Variants in SEPTIN3 observed in about 807,000 individuals in gnomAD.
The protein encoded by SEPTIN3 is septin 3.
SEPTIN3 carries 15 observed loss-of-function variants against 45.1 expected under a neutral mutation model. The observed-to-expected ratio is 0.33, with a 90% CI of 0.22 to 0.51. SEPTIN3 has a LOEUF of 0.51. SEPTIN3 is among the 20% of genes least tolerant of loss of function. The pLI, the probability that SEPTIN3 is intolerant of heterozygous loss-of-function variation, is 0.97. For missense variants in SEPTIN3, 289 were observed against 457.2 expected, an observed-to-expected ratio of 0.63 and a Z score of 3.35; for synonymous variants, 148 against 164.8, an observed-to-expected ratio of 0.90 and a Z score of 0.78.
intron 2 of SEPTIN3, among the ~76,000 whole-genome samples, chr22:41,979,723 C>T: frequency 6.6e-6 from 1 of 152,258 alleles, no homozygotes; most frequent in East Asian, 1.9e-4. Context: ...TTTGGCTGTG[C>T]CTGGGAGTGA....
chr22:41,981,685 G>A lies in SEPTIN3; in HGVS notation c.1545G>A (p.Leu515=), dbSNP rs1260745051. ...GGACGGACGCAGCCATGTCAGAGCT[G>A]GTGCCTGAGCCCAGGCCTAAGCCAG... is the stretch of plus-strand genomic sequence containing the variant. ...ETRTDAAMSE[L]VPEPRPKPAV... Residue 515 remains leucine, a synonymous_variant, in exon 3 of 12, where the codon CTG becomes CTA. Transcript: ENST00000644076. The A allele has an allele frequency of 1.9e-6, 3 of 1,613,750 alleles. No individual in the cohort carries two copies. Among genetic ancestry groups the A allele is most frequent in the African/African-American group, 1.3e-5 (1 of 74,934 alleles).
chr22:41,992,568 A>G, intron 8 of SEPTIN3, 96 bp from the exon 9 acceptor site: 1 of 718,314 alleles, frequency 1.4e-6, no homozygotes, highest in African/African-American at 1.8e-5. Flanking sequence ...GTGTGGTTCA[A>G]GGCTAGAGGA....
chr22:41,989,504 T>G, intron 6 of SEPTIN3, 63 bp from the exon 7 acceptor site: 2 of 1,026,610 alleles, frequency 1.9e-6, no homozygotes, highest in Admixed American at 3.4e-5. Flanking sequence ...CCTGGAGTGG[T>G]GGTGGTGGCT....
chr22:41,991,783 G>A (rs2078322347), intron 8 of SEPTIN3, 115 bp downstream of exon 8: 2 of 774,168 alleles, frequency 2.6e-6, no homozygotes, highest in Non-Finnish European at 2.3e-6. Flanking sequence ...AACCTTGCCT[G>A]ACCCAGACCA....
intron 1 of SEPTIN3, among the ~76,000 whole-genome samples, chr22:41,970,599 G>T (rs1265669166): frequency 2.0e-5 from 3 of 152,062 alleles, no homozygotes; most frequent in Non-Finnish European, 4.4e-5. Context: ...CTGCAGCCTT[G>T]GCTCTCCCCT....
At chr22:41,995,874 T>C in intron 11 of SEPTIN3, 5 of 914,238 alleles carry the variant, frequency 5.5e-6, no homozygotes, top group Non-Finnish European at 6.5e-6. Context: ...AACCTTTTAT[T>C]GGGACATCAG....
At chr22:41,993,649 C>T (rs145311647) in intron 9 of SEPTIN3, among the ~76,000 whole-genome samples, 1 of 152,168 alleles carries the variant, frequency 6.6e-6, no homozygotes, top group East Asian at 1.9e-4. Flanking sequence ...AACCACCATG[C>T]CTGGTGATTT....
chr22:41,996,560 C>T (rs940198032), intron 11 of SEPTIN3: 10 of 1,061,598 alleles, frequency 9.4e-6, no homozygotes, highest in South Asian at 8.3e-5. Context: ...CCTATGCTCT[C>T]GGTCTTTCCT....
At chr22:41,981,061 T>C (rs2078112509) in intron 2 of SEPTIN3, among the ~76,000 whole-genome samples, 2 of 152,142 alleles carry the variant, frequency 1.3e-5, no homozygotes, top group South Asian at 2.1e-4. Flanking sequence ...TGACAGTTAA[T>C]AGATGTTAGT....
At chr22:41,996,738 AG>A in intron 11 of SEPTIN3, 163 bp from the exon 12 acceptor site, 1 of 1,502,758 alleles carries the variant, frequency 6.7e-7, no homozygotes, top group Non-Finnish European at 8.8e-7. Context: ...TTGGACCAGC[AG>A]GGGAAGATCT....
Position 41,976,755 on chromosome 22 carries a change from G to A in SEPTIN3, c.1504+3759G>A, listed in dbSNP as rs1458474775. The A allele has an allele frequency of 1.3e-5, 2 of 151,350 alleles. No individual in the cohort carries two copies. Among genetic ancestry groups the A allele is most frequent in the Non-Finnish European group, 3.0e-5 (2 of 67,534 alleles). 9.4% of individuals were successfully genotyped at this position (151,350 alleles called of 1,614,324 possible). A position where few individuals can be genotyped will look rare whatever the true frequency, so the allele number is the denominator to read the frequency against. The stretch of plus-strand genomic sequence containing the variant: ...GCCGCGGGAAGGGGAGGGGCCCTCG[G>A]CGGGGCCGACGGGCGCGCGGTCACG... On this transcript the variant is annotated intron_variant, in intron 2 of 11. Transcript: ENST00000644076. The surrounding 1 kb of genome is among the most constrained non-coding windows in gnomAD (Gnocchi z 5.8).
intron 2 of SEPTIN3, among the ~76,000 whole-genome samples, chr22:41,974,711 C>T (rs143714097): frequency 0.029 from 4,350 of 150,558 alleles, 201 homozygotes; most frequent in African/African-American, 0.1. Flanking sequence ...ATGATGAAAC[C>T]CCGTCTCTAC....
In SEPTIN3 at chr22:41,997,837, A is replaced by G. The variant is rs571313253; in HGVS notation, c.*870A>G. 2.0e-5 allele frequency: 3 copies of G among 152,820 alleles called. No individual in the cohort carries two copies. The South Asian group carries it at 6.2e-4, about 32-fold the overall frequency. The allele number at this position is 152,820 out of a possible 1,614,324, so 9.5% of individuals were successfully genotyped here. A position where few individuals can be genotyped will look rare whatever the true frequency, so the allele number is the denominator to read the frequency against. ...GACCACAGGTGGTCACTGTAGGCTAATGGAAAATACCCAAGGGAGGGCAAA... is the reference window on the plus strand; with the variant it reads ...GACCACAGGTGGTCACTGTAGGCTAGTGGAAAATACCCAAGGGAGGGCAAA... On this transcript the variant is annotated 3_prime_UTR_variant, in exon 12 of 12. Coordinates refer to ENST00000644076, the MANE Select transcript of SEPTIN3 (RefSeq NM_001363845.2).
In SEPTIN3 at chr22:41,971,934, T is replaced by A. The variant is rs1602408036; in HGVS notation, c.442T>A (p.Ser148Thr). Residue 148 changes from serine (S) to threonine (T), a missense_variant, in exon 2 of 12, where the codon TCC (serine) becomes ACC (threonine). Ser to Thr is a moderately conservative substitution (Grantham distance 58). Transcript: ENST00000644076. ...KAAPHEGGRV[S>T]SPGSPPVTLV... ...TGCTCCCCATGAAGGAGGGAGGGTG[T>A]CCTCGCCAGGCTCGCCACCTGTGAC... 7 of 399,068 alleles carry A rather than the reference T, an allele frequency of 1.8e-5. No individual in the cohort carries two copies. In the East Asian group the frequency reaches 2.5e-4, roughly 14 times the overall value. The allele number at this position is 399,068 out of a possible 1,614,324, so 24.7% of individuals were successfully genotyped here.
intron 9 of SEPTIN3, among the ~76,000 whole-genome samples, chr22:41,993,098 G>A (rs1445120016): frequency 6.6e-6 from 1 of 152,178 alleles, no homozygotes; most frequent in Non-Finnish European, 1.5e-5. Flanking sequence ...TTCAGGTGTT[G>A]CCATTTCCAT....
chr22:41,994,160 G>T lies in SEPTIN3; in HGVS notation c.2360-130G>T. ...CCCAAGTGAGCAAATCTCTGGAAGG[G>T]TTACAAAAAATGACCTGTCCCATAG... is the stretch of plus-strand genomic sequence containing the variant. On this transcript the variant is annotated intron_variant, in intron 9 of 11. Transcript: ENST00000644076. This position sits in a 1 kb window ranked among gnomAD's most constrained non-coding sequence, Gnocchi z 4.2. 5 of 744,418 alleles carry T rather than the reference G, an allele frequency of 6.7e-6. No individual in the cohort carries two copies. Among genetic ancestry groups the T allele is most frequent in the Non-Finnish European group, 1.1e-5 (5 of 441,542 alleles). The allele number at this position is 744,418 out of a possible 1,614,324, so 46.1% of individuals were successfully genotyped here. A position where few individuals can be genotyped will look rare whatever the true frequency, so the allele number is the denominator to read the frequency against.
At chr22:41,987,802 T>C (rs535874039) in intron 6 of SEPTIN3, 43 bp downstream of exon 6, 1 of 1,581,168 alleles carries the variant, frequency 6.3e-7, no homozygotes, top group Non-Finnish European at 8.7e-7. Context: ...TGGTCTGGTT[T>C]GTATCATCTG....
chr22:41,984,173 T>C (rs550367496), intron 3 of SEPTIN3, among the ~76,000 whole-genome samples: 1 of 152,314 alleles, frequency 6.6e-6, no homozygotes, highest in Non-Finnish European at 1.5e-5. Flanking sequence ...ATCCCTGGTC[T>C]TGTCCAATTT....
intron 11 of SEPTIN3, chr22:41,995,455 T>C (rs2078414744): frequency 1.0e-6 from 1 of 985,590 alleles, no homozygotes; most frequent in Non-Finnish European, 1.2e-6. Flanking sequence ...AACTGGCCTC[T>C]GCTGCCAGGC....
Sources: allele counts gnomAD v4.1 joint callset (sites outside exome capture counted in the v4.1 genomes callset), GRCh38; gene constraint gnomAD v4.1.1; non-coding constraint Gnocchi (gnomAD v3.1); transcripts MANE v1.5; gene names NCBI Gene and HGNC (gene_info 2026-07-23, HGNC 2026-07-21).